The following FAM135A variants were observed in gnomAD, a reference collection of about 807,000 sequenced individuals.
FAM135A encodes the protein protein FAM135A.
Under a neutral mutation model 146.8 loss-of-function variants are expected in FAM135A, and 79 were observed. The observed-to-expected ratio is 0.54, with a 90% CI of 0.45 to 0.65. The LOEUF is 0.65. Among genes scored for constraint, FAM135A ranks in the 30% least tolerant of loss-of-function variants. The pLI, the probability that FAM135A is intolerant of heterozygous loss-of-function variation, is 0.00. For missense variants in FAM135A, 1,623 were observed against 1,758.2 expected (o/e 0.92, Z 1.38); for synonymous variants, 562 against 603.6 (o/e 0.93, Z 1.01).
chr6:70,449,722 A>G (rs1776627856), intron 4 of FAM135A, among the ~76,000 whole-genome samples: 1 of 152,150 alleles, frequency 6.6e-6, no homozygotes, highest in Non-Finnish European at 1.5e-5. Context: ...TGCAGTGAAC[A>G]TGGGAGGGCA....
rs183666559 is a variant in FAM135A at position 70,536,303 on chromosome 6, C to T, written c.4009C>T (p.Leu1337Phe). 1.2e-6 allele frequency: 2 copies of T among 1,612,806 alleles called. No homozygotes were observed. The highest frequency in any genetic ancestry group is 2.2e-5 in the South Asian group (2 of 90,850). ...GGGCAATTTAATAATTCGTTCAGTG[C>T]TTACAAGGCCAAGGTTTAAATATTA... ...SLGNLIIRSVLTRPRFKYYLN... is the reference protein window; with the variant it reads ...SLGNLIIRSVFTRPRFKYYLN... Residue 1337 changes from leucine (L) to phenylalanine (F), a missense_variant, in exon 19 of 22, where the codon CTT (leucine) becomes TTT (phenylalanine). Physicochemically the swap from Leu to Phe is conservative, Grantham distance 22 (BLOSUM62 0). This residue lies in a region of FAM135A where 1,061 missense variants were observed against 1,113.8 expected (regional missense o/e 0.95). Transcript: ENST00000418814.
At chr6:70,506,893 G>A (rs543255979) in intron 12 of FAM135A, among the ~76,000 whole-genome samples, 3 of 151,748 alleles carry the variant, frequency 2.0e-5, no homozygotes, top group Admixed American at 1.3e-4. Context: ...GAGAATGGTC[G>A]CAAGGATTAG....
At chr6:70,513,402 T>G (rs920372258) in intron 12 of FAM135A, 2 of 151,102 alleles carry the variant, frequency 1.3e-5, no homozygotes, top group African/African-American at 4.8e-5. Flanking sequence ...TTTTTTTTTT[T>G]TTTTAATCCT....
At chr6:70,556,618 A>G (rs1800890371) in intron 20 of FAM135A, 132 bp from the exon 21 acceptor site, 1 of 568,536 alleles carries the variant, frequency 1.8e-6, no homozygotes, top group Admixed American at 3.3e-5. Flanking sequence ...AGAAAGGATC[A>G]TCAAGTATTG....
At chr6:70,510,210 A>G (rs898645293) in intron 12 of FAM135A, among the ~76,000 whole-genome samples, 1 of 151,392 alleles carries the variant, frequency 6.6e-6, no homozygotes, top group Non-Finnish European at 1.5e-5. Context: ...GATGTTATGT[A>G]ACATGATATA....
intron 11 of FAM135A, 109 bp from the exon 12 acceptor site, chr6:70,502,527 T>C: frequency 8.6e-7 from 1 of 1,160,150 alleles, no homozygotes; most frequent in East Asian, 2.6e-5. Flanking sequence ...CACATCTCTT[T>C]TTTTAAACCA....
chr6:70,486,312 T>C, intron 10 of FAM135A: 1 of 1,319,670 alleles, frequency 7.6e-7, no homozygotes, highest in Non-Finnish European at 1.1e-6. Context: ...TGCTTTAAAT[T>C]AGCATCAGAT....
At position 70,475,695 on chromosome 6, in the gene FAM135A, AT is replaced by A; in HGVS notation, c.332del (p.Leu111TyrfsTer17). Reference sequence around the variant, plus strand: ...AAACCCTTGAGGAAATGAATTTTCTATTATCCTTGGATCTACACTTCACAGA... The same window carrying A: ...AAACCCTTGAGGAAATGAATTTTCTATATCCTTGGATCTACACTTCACAGA... ...EETLEEMNFL[L>X]SLDLHFTDGD... is the part of the protein sequence containing the mutation. On this transcript the variant is annotated frameshift_variant, in exon 7 of 22. Transcript: ENST00000418814. LOFTEE classifies it high-confidence loss of function. 6.3e-7 allele frequency: 1 copy of A among 1,584,814 alleles called. No individual in the cohort carries two copies. Among genetic ancestry groups the A allele is most frequent in the Non-Finnish European group, 8.6e-7 (1 of 1,165,836 alleles).
chr6:70,524,825 G>A lies in FAM135A; in HGVS notation c.1741G>A (p.Glu581Lys). The change falls in exon 15 of 22, where the codon GAG becomes AAG. Residue 581 changes from glutamate to lysine, a missense_variant. Physicochemically the swap from Glu to Lys is moderately conservative, Grantham distance 56 (BLOSUM62 1). Around this residue, in one of 7 missense-constraint regions of FAM135A, gnomAD observed 1,061 missense variants for 1,113.8 expected, o/e 0.95. Transcript: ENST00000418814. ...KEASCLPTNTERTEQKSPDIE... is the reference protein window; with the variant it reads ...KEASCLPTNTKRTEQKSPDIE... ...AGCTAGCTGTTTGCCAACTAATACA[G>A]AGAGAACTGAACAAAAGTCTCCAGA... 6.4e-7 allele frequency: 1 copy of A among 1,570,270 alleles called. No homozygotes were observed.
intron 4 of FAM135A, among the ~76,000 whole-genome samples, chr6:70,436,377 C>G (rs996689516): frequency 2.0e-5 from 3 of 152,066 alleles, no homozygotes; most frequent in African/African-American, 7.2e-5. Context: ...AGAATCAGCC[C>G]TTCTCTGTAC....
intron 4 of FAM135A, among the ~76,000 whole-genome samples, chr6:70,450,758 T>TTTG (rs1776898171): frequency 8.3e-6 from 1 of 120,544 alleles, no homozygotes; most frequent in African/African-American, 3.5e-5. Context: ...TTTTTTTTTT[T>TTTG]GAGTCAGAGT....
At chr6:70,509,002 A>G (rs1790419422) in intron 12 of FAM135A, among the ~76,000 whole-genome samples, 1 of 152,108 alleles carries the variant, frequency 6.6e-6, no homozygotes, top group African/African-American at 2.4e-5. Context: ...TTTTGGAAAC[A>G]TATGGCTTTA....
chr6:70,421,334 T>C (rs1768798734), intron 2 of FAM135A, among the ~76,000 whole-genome samples: 1 of 152,216 alleles, frequency 6.6e-6, no homozygotes, highest in African/African-American at 2.4e-5. Context: ...TAAATAAAAT[T>C]AAAAATTCAG....
chr6:70,452,357 C>T (rs1777294397), intron 4 of FAM135A, 135 bp from the exon 5 acceptor site: 4 of 621,666 alleles, frequency 6.4e-6, no homozygotes, highest in South Asian at 6.4e-5. Flanking sequence ...TTTTTTCCAA[C>T]AATAGTAAAT....
intron 2 of FAM135A, among the ~76,000 whole-genome samples, chr6:70,423,082 A>C (rs1254152846): frequency 6.6e-6 from 1 of 152,226 alleles, no homozygotes; most frequent in East Asian, 1.9e-4. Flanking sequence ...TGAAGGAGTG[A>C]GTCCTGTGGA....
chr6:70,539,652 A>G (rs569754166), intron 20 of FAM135A, among the ~76,000 whole-genome samples: 12 of 152,288 alleles, frequency 7.9e-5, no homozygotes, highest in Admixed American at 3.9e-4. Context: ...CTGTGCTACC[A>G]TCTATTATTC....
At position 70,428,383 on chromosome 6, in the gene FAM135A, T is replaced by C; in HGVS notation, c.41T>C (p.Leu14Pro). ...GCAATGGTAGAATTCTCTGTGGAGCTAAACAAGTTCTACAATGTGGATTTG... is the reference window on the plus strand; with the variant it reads ...GCAATGGTAGAATTCTCTGTGGAGCCAAACAAGTTCTACAATGTGGATTTG... The part of the protein sequence containing the change: ...VQAMVEFSVE[L>P]NKFYNVDLFQ... Residue 14 changes from leucine (L) to proline (P), a missense_variant, in exon 4 of 22, where the codon CTA (leucine) becomes CCA (proline). By Grantham distance (98) the Leu-to-Pro change is moderately conservative. Coordinates refer to ENST00000418814, the MANE Select transcript of FAM135A (RefSeq NM_001162529.3). The C allele has an allele frequency of 6.2e-7, 1 of 1,604,578 alleles. No individual in the cohort carries two copies. Among genetic ancestry groups the C allele is most frequent in the Non-Finnish European group, 8.5e-7 (1 of 1,175,700 alleles).
intron 12 of FAM135A, among the ~76,000 whole-genome samples, chr6:70,514,961 CT>C (rs1791872440): frequency 6.6e-6 from 1 of 152,212 alleles, no homozygotes; most frequent in African/African-American, 2.4e-5. Context: ...CAGAGCTTCA[CT>C]GACCTGGGAG....
rs114031362 is a variant in FAM135A at position 70,483,725 on chromosome 6, C to A, written c.823+1571C>A. Among the ~76,000 whole-genome samples, 556 of 152,202 alleles carry A rather than the reference C, an allele frequency of 3.7e-3. 5 individuals carry two copies. The highest frequency in any genetic ancestry group is 0.012 in the African/African-American group (515 of 41,512). Reference sequence around the variant, plus strand: ...ATTATACTAACATATTAATGAAGGACAGTATCATGTGCCTGAAAAACAGTG... The same window carrying A: ...ATTATACTAACATATTAATGAAGGAAAGTATCATGTGCCTGAAAAACAGTG... On this transcript the variant is annotated intron_variant, in intron 10 of 21. Transcript: ENST00000418814.
Sources: allele counts gnomAD v4.1 joint callset (sites outside exome capture counted in the v4.1 genomes callset), GRCh38; gene constraint gnomAD v4.1.1; regional missense constraint gnomAD v4.1.1; transcripts MANE v1.5; gene names NCBI Gene and HGNC (gene_info 2026-07-23, HGNC 2026-07-21).